Variants in MYO10 observed in about 807,000 individuals in gnomAD.
MYO10 encodes myosin X, also known as unconventional myosin-X.
Under a neutral mutation model 257.3 loss-of-function variants are expected in MYO10, and 133 were observed. That is an observed-to-expected ratio of 0.52 (90% CI 0.45 to 0.60). MYO10 has a LOEUF of 0.60. Ranked by LOEUF, MYO10 falls within the 20% of genes least tolerant of loss-of-function variation. MYO10 has a pLI of 0.00. For synonymous variants in MYO10, 1,104 were observed against 1,028.6 expected, an observed-to-expected ratio of 1.07 and a Z score of -1.40; for missense variants, 2,399 against 2,635.7, an observed-to-expected ratio of 0.91 and a Z score of 1.97.
chr5:16,738,109 G>A (rs558476142), intron 19 of MYO10: 439 of 983,120 alleles, frequency 4.5e-4, no homozygotes, highest in Admixed American at 1.1e-3. Flanking sequence ...GTTTTGAGGT[G>A]GAAATACACA....
At chr5:16,853,111 C>A (rs752667016) in intron 2 of MYO10, among the ~76,000 whole-genome samples, 1 of 152,156 alleles carries the variant, frequency 6.6e-6, no homozygotes. Context: ...CGGCTCACGC[C>A]TGTAATCCCA....
At chr5:16,809,005 GA>G (rs11291757) in intron 3 of MYO10, among the ~76,000 whole-genome samples, 86,416 of 149,962 alleles carry the variant, frequency 0.58, 24,747 homozygotes, top group South Asian at 0.68. Flanking sequence ...AGACAAGGAA[GA>G]AAAAAAAAAA....
At chr5:16,723,360 C>T (rs1410031783) in intron 19 of MYO10, among the ~76,000 whole-genome samples, 1 of 151,830 alleles carries the variant, frequency 6.6e-6, no homozygotes, top group African/African-American at 2.4e-5. Context: ...TGCACTCCGG[C>T]CTGGGTGACA....
chr5:16,787,294 T>G (rs1741615088), intron 4 of MYO10, among the ~76,000 whole-genome samples: 1 of 152,136 alleles, frequency 6.6e-6, no homozygotes, highest in South Asian at 2.1e-4. Flanking sequence ...ACTCATATAT[T>G]GGGCTGTGGA....
chr5:16,738,045 A>G (rs1561218255), intron 19 of MYO10: 1 of 903,652 alleles, frequency 1.1e-6, no homozygotes, highest in Non-Finnish European at 1.3e-6. Flanking sequence ...AAACTAGGAA[A>G]ATCAAGTAAG....
chr5:16,872,340 T>G (rs1326492402), intron 2 of MYO10, among the ~76,000 whole-genome samples: 2 of 152,104 alleles, frequency 1.3e-5, no homozygotes, highest in Non-Finnish European at 2.9e-5. Context: ...TTTAAAGTAA[T>G]CAAAGTCATA....
chr5:16,761,986 ACTGTTTT>A, intron 16 of MYO10, 52 bp downstream of exon 16: 1 of 1,454,654 alleles, frequency 6.9e-7, no homozygotes, highest in Non-Finnish European at 9.1e-7. Context: ...TTCTGAAACC[ACTGTTTT>A]CTCTGAATAC....
intron 8 of MYO10, 141 bp from the exon 9 acceptor site, chr5:16,779,789 G>C (rs1741343079): frequency 1.9e-6 from 1 of 525,668 alleles, no homozygotes; most frequent in Non-Finnish European, 3.3e-6. Context: ...TTCCCTCTTA[G>C]TTACCATCTA....
chr5:16,816,910 C>T (rs1742634469), intron 3 of MYO10, among the ~76,000 whole-genome samples: 1 of 151,900 alleles, frequency 6.6e-6, no homozygotes, highest in African/African-American at 2.4e-5. Context: ...ACCTCTGCCT[C>T]CCGGGTTCAA....
intron 19 of MYO10, among the ~76,000 whole-genome samples, chr5:16,739,518 T>C (rs1030137654): frequency 6.6e-5 from 10 of 152,176 alleles, no homozygotes; most frequent in African/African-American, 2.4e-4. Context: ...CATATTCTGA[T>C]TGGCAAATAC....
At chr5:16,746,250 C>T (rs532583801) in intron 19 of MYO10, among the ~76,000 whole-genome samples, 4 of 152,294 alleles carry the variant, frequency 2.6e-5, no homozygotes, top group Admixed American at 6.5e-5. Context: ...AGGTCACTCT[C>T]GTGGCCATCT....
intron 19 of MYO10, chr5:16,738,464 T>C (rs902820387): frequency 9.4e-6 from 9 of 961,320 alleles, no homozygotes; most frequent in Non-Finnish European, 1.1e-5. Flanking sequence ...GAGGAGAAGA[T>C]TGCTCAAGGT....
intron 1 of MYO10, among the ~76,000 whole-genome samples, chr5:16,915,526 G>A (rs887265717): frequency 6.6e-6 from 1 of 152,158 alleles, no homozygotes; most frequent in African/African-American, 2.4e-5. Flanking sequence ...GTAATGGCAG[G>A]GGATGGGAAC....
chr5:16,704,820 G>T (rs1216127559), intron 21 of MYO10, 135 bp from the exon 22 acceptor site: 2 of 654,744 alleles, frequency 3.1e-6, no homozygotes, highest in East Asian at 2.7e-5. Flanking sequence ...ATGCTTTCTA[G>T]AATAGTGCTT....
intron 19 of MYO10, among the ~76,000 whole-genome samples, chr5:16,735,481 G>A (rs1739755408): frequency 6.6e-6 from 1 of 152,076 alleles, no homozygotes; most frequent in Non-Finnish European, 1.5e-5. Context: ...GAGGCAGAAG[G>A]ATTGCTTGAG....
chr5:16,675,239 T>C, intron 34 of MYO10, 89 bp from the exon 35 acceptor site: 1 of 1,379,392 alleles, frequency 7.2e-7, no homozygotes, highest in East Asian at 2.3e-5. Context: ...GACAAAGGAA[T>C]AAATGAGGAG....
chr5:16,814,039 C>G (rs1051647463), intron 3 of MYO10, among the ~76,000 whole-genome samples: 1 of 152,194 alleles, frequency 6.6e-6, no homozygotes, highest in Admixed American at 6.5e-5. Context: ...GAGCAGGAAA[C>G]GGATCCTCCT....
At position 16,864,042 on chromosome 5, in the gene MYO10, G is replaced by A. The variant is rs139578552; in HGVS notation, c.120+13567C>T. On this transcript the variant is annotated intron_variant, in intron 2 of 40. Coordinates refer to ENST00000513610, the MANE Select transcript of MYO10 (RefSeq NM_012334.3). ...TAGCCTGGGAGGCGGAGGTTGCAGC[G>A]AGCCAAGATTGTACCACTGCACTCT... 1.5e-3 allele frequency among the ~76,000 whole-genome samples: 229 copies of A among 152,220 alleles called. 1 individual carries two copies. Among genetic ancestry groups the A allele is most frequent in the African/African-American group, 5.3e-3 (222 of 41,520 alleles).
At chr5:16,744,651 C>A (rs570394362) in intron 19 of MYO10, among the ~76,000 whole-genome samples, 4 of 152,046 alleles carry the variant, frequency 2.6e-5, no homozygotes, top group South Asian at 2.1e-4. Flanking sequence ...GCAGAGGGAG[C>A]GGTGGCTGGG....
Sources: allele counts gnomAD v4.1 joint callset (sites outside exome capture counted in the v4.1 genomes callset), GRCh38; gene constraint gnomAD v4.1.1; transcripts MANE v1.5; gene names NCBI Gene and HGNC (gene_info 2026-07-23, HGNC 2026-07-21).